The following MLXIPL variants were observed in gnomAD, a reference collection of about 807,000 sequenced individuals.
MLXIPL encodes the protein carbohydrate-responsive element-binding protein.
In MLXIPL, 49 loss-of-function variants were observed where a neutral mutation model predicts 81.5. The ratio of observed to expected loss-of-function variants is 0.60; its 90% confidence interval spans 0.48 to 0.76. The LOEUF is 0.76. MLXIPL is among the 30% of genes least tolerant of loss of function. The probability of loss-of-function intolerance (pLI) is 0.00; values close to 1 mark genes in which losing one functional copy is unlikely to be tolerated. For synonymous variants in MLXIPL, 466 were observed against 485.5 expected (o/e 0.96, Z 0.53); for missense variants, 1,053 against 1,167.0 (o/e 0.90, Z 1.42).
At chr7:73,599,749 A>G (rs1428092361) in intron 7 of MLXIPL, 54 bp from the exon 8 acceptor site, 1 of 1,548,498 alleles carries the variant, frequency 6.5e-7, no homozygotes, top group East Asian at 2.3e-5. Flanking sequence ...TATGGCTGGG[A>G]AACAGCTGAG....
intron 1 of MLXIPL, among the ~76,000 whole-genome samples, chr7:73,619,718 C>A (rs1346455626): frequency 6.6e-6 from 1 of 151,500 alleles, no homozygotes; most frequent in Admixed American, 6.6e-5. Context: ...ATCACAAGGT[C>A]AGGAGATCGA....
intron 1 of MLXIPL, among the ~76,000 whole-genome samples, chr7:73,620,326 C>T (rs1563512147): frequency 6.6e-6 from 1 of 151,888 alleles, no homozygotes; most frequent in Admixed American, 6.6e-5. Context: ...ATCGCTTGAA[C>T]CCAGGAGGCG....
At chr7:73,629,910 C>T in the MLXIPL span, among the ~76,000 whole-genome samples, 1 of 152,060 alleles carries the variant, frequency 6.6e-6, no homozygotes, top group Non-Finnish European at 1.5e-5. Context: ...CTTTATGGAG[C>T]ACTTACCACC....
At position 73,593,729 on chromosome 7, in the gene MLXIPL, C is replaced by G; in HGVS notation, c.*136G>C. On this transcript the variant is annotated 3_prime_UTR_variant, in exon 17 of 17. Transcript: ENST00000313375. ...GGAGGTGGCAAGTGTGAAACCTGGA[C>G]CCTGCTCCACCCCCCAGGGAAGGGC... The G allele has an allele frequency of 2.5e-6, 2 of 807,690 alleles. No individual in the cohort carries two copies. The highest frequency in any genetic ancestry group is 2.8e-5 in the South Asian group (2 of 71,854). The allele number at this position is 807,690 out of a possible 1,614,324, so 50.0% of individuals were successfully genotyped here.
intron 1 of MLXIPL, among the ~76,000 whole-genome samples, chr7:73,621,547 C>T (rs1554602076): frequency 6.6e-6 from 1 of 151,994 alleles, no homozygotes; most frequent in African/African-American, 2.4e-5. Flanking sequence ...TGCTCCCCTC[C>T]AGGGGACCCC....
chr7:73,619,815 A>G (rs1471512504), intron 1 of MLXIPL, among the ~76,000 whole-genome samples: 2 of 151,780 alleles, frequency 1.3e-5, no homozygotes, highest in Non-Finnish European at 2.9e-5. Flanking sequence ...CTGTGGTCCC[A>G]GCTACTCGGG....
At chr7:73,594,585 G>A (rs58878733) in intron 15 of MLXIPL, among the ~76,000 whole-genome samples, 182 bp from the exon 16 acceptor site, 11,971 of 151,452 alleles carry the variant, frequency 0.079, 511 homozygotes, top group Middle Eastern at 0.11. Flanking sequence ...GTCTCGCTCT[G>A]TCACCCAGGC....
At position 73,596,673 on chromosome 7, in the gene MLXIPL, G is replaced by T; in HGVS notation, c.1788C>A (p.Pro596=). ...TLAPSRPLLV[P]KAERLSPPAP... ...CTGGGGGTGAGAGCCGCTCCGCTTT[G>T]GGGACAAGCAGGGGCCTGGAAGGGG... The change falls in exon 11 of 17, where the codon CCC becomes CCA. Residue 596 remains proline, a synonymous_variant. Transcript: ENST00000313375. This position sits in a 1 kb window ranked among gnomAD's most constrained non-coding sequence, Gnocchi z 4.7. 1 of 1,590,118 alleles carries T rather than the reference G, an allele frequency of 6.3e-7. No individual in the cohort carries two copies. The highest frequency in any genetic ancestry group is 2.2e-5 in the East Asian group (1 of 44,512).
At chr7:73,631,946 C>CTCTTT in the MLXIPL span, among the ~76,000 whole-genome samples, 21 of 98,776 alleles carry the variant, frequency 2.1e-4, no homozygotes, top group Admixed American at 5.4e-4. Flanking sequence ...CTCTTCTTTT[C>CTCTTT]TCTTTTCTTT....
chr7:73,631,275 A>G, the MLXIPL span, among the ~76,000 whole-genome samples: 1 of 152,046 alleles, frequency 6.6e-6, no homozygotes, highest in Non-Finnish European at 1.5e-5. Context: ...TCGGCCTCCC[A>G]AAGTGCTGGG....
chr7:73,602,122 G>GCCTTCCTTCCTTCCTTCCTT (rs1419749580), intron 7 of MLXIPL, among the ~76,000 whole-genome samples: 169 of 59,560 alleles, frequency 2.8e-3, no homozygotes, highest in Middle Eastern at 9.3e-3. Context: ...CTGCCTGCCT[G>GCCTTCCTTCCTTCCTTCCTT]CCTGCCTGCC....
At position 73,605,772 on chromosome 7, in the gene MLXIPL, G is replaced by A. The variant is rs782552112; in HGVS notation, c.821-4C>T. On this transcript the variant is annotated splice_region_variant and splice_polypyrimidine_tract_variant and intron_variant, in intron 6 of 16. Transcript: ENST00000313375. ...ATGTCAGCATTGCCGACGTAGGCTG[G>A]AGGCAGCAGTGGCGACATCAGCAGC... The A allele has an allele frequency of 6.8e-6, 11 of 1,612,470 alleles. No homozygotes were observed. The highest frequency in any genetic ancestry group is 9.3e-6 in the Non-Finnish European group (11 of 1,179,572).
the MLXIPL span, among the ~76,000 whole-genome samples, chr7:73,638,190 T>C: frequency 6.6e-6 from 1 of 152,184 alleles, no homozygotes; most frequent in Non-Finnish European, 1.5e-5. Context: ...CTCCTGTCCC[T>C]GAGGGAGACT....
At chr7:73,603,982 G>A (rs1465114276) in intron 7 of MLXIPL, among the ~76,000 whole-genome samples, 3 of 152,078 alleles carry the variant, frequency 2.0e-5, no homozygotes, top group East Asian at 1.9e-4. Context: ...TTGGGAGTCC[G>A]AGGTGGGAGG....
intron 1 of MLXIPL, among the ~76,000 whole-genome samples, chr7:73,617,892 TCCTGCTAGGCACAGG>T (rs1443625598): frequency 1.3e-5 from 2 of 151,954 alleles, no homozygotes; most frequent in Non-Finnish European, 2.9e-5. Context: ...CTGGTGAGGG[TCCTGCTAGGCACAGG>T]CCAAGTCTTC....
rs1554594376 is a variant in MLXIPL, at chr7:73,596,937, G to A, written c.1604-5C>T. ...CCAGGGCTTGCTCCGGCTTAGCTGT[G>A]CACGGGCAGAACCGTGAGGCTACTG... is the stretch of plus-strand genomic sequence containing the variant. On this transcript the variant is annotated splice_polypyrimidine_tract_variant and splice_region_variant and intron_variant, in intron 9 of 16. Transcript: ENST00000313375. This position sits in a 1 kb window ranked among gnomAD's most constrained non-coding sequence, Gnocchi z 4.7. 7 of 1,608,138 alleles carry A rather than the reference G, an allele frequency of 4.4e-6. No homozygotes were observed. Among genetic ancestry groups the A allele is most frequent in the Non-Finnish European group, 5.9e-6 (7 of 1,178,898 alleles).
At chr7:73,626,469 A>ATTTT (rs35194433), upstream of MLXIPL, among the ~76,000 whole-genome samples, 25 of 148,040 alleles carry the variant, frequency 1.7e-4, no homozygotes, top group African/African-American at 5.9e-4. Flanking sequence ...AACCTGGCTA[A>ATTTT]TTTTTTTTTT....
chr7:73,600,620 G>C, intron 7 of MLXIPL, among the ~76,000 whole-genome samples: 1 of 117,108 alleles, frequency 8.5e-6, no homozygotes, highest in Admixed American at 8.7e-5. Flanking sequence ...GGGATGAGAG[G>C]GGGCCTAAGG....
At chr7:73,605,848 CT>C in intron 6 of MLXIPL, 61 bp downstream of exon 6, 1 of 1,572,770 alleles carries the variant, frequency 6.4e-7, no homozygotes, top group Non-Finnish European at 8.6e-7. Flanking sequence ...CCATCCCTCC[CT>C]TGGCCTCCTG....
Sources: gnomAD v4.1 joint callset for allele counts (sites outside exome capture counted in the v4.1 genomes callset) on GRCh38, gnomAD v4.1.1 for gene constraint, Gnocchi (gnomAD v3.1) non-coding constraint, MANE v1.5 for transcripts, NCBI Gene and HGNC (gene_info 2026-07-23, HGNC 2026-07-21) for gene names.